GALNT13: variants seen among roughly 807,000 people sequenced by gnomAD.
GALNT13 encodes polypeptide N-acetylgalactosaminyltransferase 13.
Under a neutral mutation model 64.2 loss-of-function variants are expected in GALNT13, and 28 were observed. The ratio of observed to expected loss-of-function variants is 0.44; its 90% CI spans 0.32 to 0.60. The LOEUF (loss-of-function observed/expected upper bound fraction) is 0.60. Among genes scored for constraint, GALNT13 ranks in the 20% least tolerant of loss-of-function variants. GALNT13 has a pLI of 0.05. For missense variants in GALNT13, 577 were observed against 669.8 expected (o/e 0.86, Z 1.53); for synonymous variants, 214 against 224.6 (o/e 0.95, Z 0.42).
chr2:153,647,737 T>C, the GALNT13 span, among the ~76,000 whole-genome samples: 4 of 152,082 alleles, frequency 2.6e-5, no homozygotes, highest in South Asian at 4.1e-4. Flanking sequence ...TTTCCCCATT[T>C]CTTGTTTTTC....
At chr2:153,839,736 T>A in the GALNT13 span, among the ~76,000 whole-genome samples, 1 of 151,976 alleles carries the variant, frequency 6.6e-6, no homozygotes, top group Non-Finnish European at 1.5e-5. Context: ...GTATTTTTTT[T>A]AATCATTGGT....
chr2:154,320,784 T>C (rs1167108839), intron 9 of GALNT13, among the ~76,000 whole-genome samples: 2 of 152,140 alleles, frequency 1.3e-5, no homozygotes, highest in African/African-American at 4.8e-5. Flanking sequence ...TCAGATGCCA[T>C]CTTATTCTGG....
At chr2:153,603,238 A>T in the GALNT13 span, among the ~76,000 whole-genome samples, 2 of 151,866 alleles carry the variant, frequency 1.3e-5, no homozygotes, top group Non-Finnish European at 2.9e-5. Context: ...TTTTCTTTCC[A>T]TATGGACATA....
At chr2:153,380,441 C>T in the GALNT13 span, among the ~76,000 whole-genome samples, 1 of 152,002 alleles carries the variant, frequency 6.6e-6, no homozygotes, top group African/African-American at 2.4e-5. Flanking sequence ...AACTGCCCTC[C>T]ATCCTGGGCA....
chr2:154,283,126 T>A (rs1221453069), intron 8 of GALNT13, among the ~76,000 whole-genome samples: 2 of 152,180 alleles, frequency 1.3e-5, no homozygotes, highest in Admixed American at 6.5e-5. Flanking sequence ...AAGGCCTTTT[T>A]AGACTTTGTT....
the GALNT13 span, among the ~76,000 whole-genome samples, chr2:153,589,576 C>G: frequency 6.6e-6 from 1 of 152,152 alleles, no homozygotes; most frequent in Non-Finnish European, 1.5e-5. Flanking sequence ...ATATCCAAGT[C>G]TGGGCAATTT....
At chr2:153,645,859 A>G in the GALNT13 span, among the ~76,000 whole-genome samples, 1 of 152,118 alleles carries the variant, frequency 6.6e-6, no homozygotes, top group Non-Finnish European at 1.5e-5. Flanking sequence ...ACAGAGCAGC[A>G]GGGAGAATTG....
chr2:154,315,414 A>T (rs1046712110), intron 9 of GALNT13, among the ~76,000 whole-genome samples: 1 of 152,186 alleles, frequency 6.6e-6, no homozygotes, highest in Non-Finnish European at 1.5e-5. Flanking sequence ...CTAGGGCTTT[A>T]AAAACAGAAG....
At chr2:153,626,899 C>G in the GALNT13 span, among the ~76,000 whole-genome samples, 1 of 152,110 alleles carries the variant, frequency 6.6e-6, no homozygotes. Context: ...GGACTTAATC[C>G]CAGACGTGTG....
At chr2:154,075,216 C>T (rs1700926376) in intron 3 of GALNT13, among the ~76,000 whole-genome samples, 1 of 151,746 alleles carries the variant, frequency 6.6e-6, no homozygotes, top group African/African-American at 2.4e-5. Context: ...ACCCATGTGA[C>T]ATGCAATTTA....
the GALNT13 span, among the ~76,000 whole-genome samples, chr2:153,070,392 G>A: frequency 6.6e-6 from 1 of 152,072 alleles, no homozygotes; most frequent in Non-Finnish European, 1.5e-5. Context: ...TACTATAATG[G>A]TGGACACATT....
At chr2:153,578,481 GT>G in the GALNT13 span, among the ~76,000 whole-genome samples, 1 of 152,132 alleles carries the variant, frequency 6.6e-6, no homozygotes, top group Non-Finnish European at 1.5e-5. Context: ...ACACTTTTCT[GT>G]GTTGAAAATT....
chr2:153,270,204 A>T, the GALNT13 span, among the ~76,000 whole-genome samples: 1 of 152,152 alleles, frequency 6.6e-6, no homozygotes, highest in Admixed American at 6.5e-5. Flanking sequence ...TTTCCAAATA[A>T]ATGTTCCAAC....
At chr2:153,575,534 G>T in the GALNT13 span, among the ~76,000 whole-genome samples, 2 of 152,178 alleles carry the variant, frequency 1.3e-5, no homozygotes, top group African/African-American at 4.8e-5. Flanking sequence ...AAACTTAGAA[G>T]TCTACCTGGT....
intron 3 of GALNT13, among the ~76,000 whole-genome samples, chr2:153,971,478 T>C (rs1002382601): frequency 6.6e-6 from 1 of 152,130 alleles, no homozygotes; most frequent in African/African-American, 2.4e-5. Context: ...GAATACTGAG[T>C]GAATATTTGC....
At chr2:153,582,927 T>G in the GALNT13 span, among the ~76,000 whole-genome samples, 1 of 152,202 alleles carries the variant, frequency 6.6e-6, no homozygotes, top group South Asian at 2.1e-4. Context: ...GATCATTCAT[T>G]TCATCCAGCA....
At chr2:153,270,986 C>A in the GALNT13 span, among the ~76,000 whole-genome samples, 1 of 152,146 alleles carries the variant, frequency 6.6e-6, no homozygotes, top group Non-Finnish European at 1.5e-5. Context: ...AAAACGTAAT[C>A]CATCACATAA....
intron 9 of GALNT13, among the ~76,000 whole-genome samples, chr2:154,354,236 T>G (rs1185436219): frequency 2.0e-5 from 3 of 152,114 alleles, no homozygotes; most frequent in African/African-American, 7.2e-5. Context: ...TTTGCACATT[T>G]TTTAATTGGG....
chr2:154,127,934 C>A (rs954624000), intron 3 of GALNT13, among the ~76,000 whole-genome samples: 4 of 151,674 alleles, frequency 2.6e-5, no homozygotes, highest in East Asian at 1.9e-4. Flanking sequence ...ATAAATAGGG[C>A]AAGTTTATTA....
Sources: allele counts gnomAD v4.1 joint callset (sites outside exome capture counted in the v4.1 genomes callset), GRCh38; gene constraint gnomAD v4.1.1; transcripts MANE v1.5; gene names NCBI Gene and HGNC (gene_info 2026-07-23, HGNC 2026-07-21).